The following ANO10 variants were observed in gnomAD, a reference collection of about 807,000 sequenced individuals.
The protein encoded by ANO10 is anoctamin-10.
Under a neutral mutation model 74.7 loss-of-function variants are expected in ANO10, and 77 were observed. That is an observed-to-expected ratio of 1.03 (90% CI 0.86 to 1.25). The LOEUF is 1.25. Among genes scored for constraint, ANO10 ranks in the 50% most tolerant of loss-of-function variants. ANO10 has a pLI of 0.00. For missense variants in ANO10, 721 were observed against 778.1 expected (o/e 0.93, Z 0.87); for synonymous variants, 279 against 284.9 (o/e 0.98, Z 0.21).
chr3:43,494,492 A>G (rs2149127692), intron 11 of ANO10, among the ~76,000 whole-genome samples: 1 of 152,282 alleles, frequency 6.6e-6, no homozygotes, highest in African/African-American at 2.4e-5. Flanking sequence ...AATAAATAGT[A>G]TGAGTATTAG....
intron 1 of ANO10, among the ~76,000 whole-genome samples, chr3:43,643,944 A>C (rs928158390): frequency 1.8e-4 from 28 of 152,078 alleles, no homozygotes; most frequent in African/African-American, 6.3e-4. Flanking sequence ...TTGATCTCCC[A>C]AAGTGCTGGG....
At chr3:43,466,525 T>C (rs1320668536) in intron 11 of ANO10, among the ~76,000 whole-genome samples, 2 of 151,616 alleles carry the variant, frequency 1.3e-5, no homozygotes, top group African/African-American at 4.8e-5. Flanking sequence ...GAAAAAAGGG[T>C]CTTTTAAACA....
chr3:43,366,723 T>A lies in ANO10; in HGVS notation c.*183A>T, dbSNP rs896056845. On this transcript the variant is annotated 3_prime_UTR_variant, in exon 13 of 13. Transcript: ENST00000292246. ...GTGGGGCTGGGGGAACTGCCAAGGATCCCGAGCCAAGCCACTGCGAAACTG... is the reference window on the plus strand; with the variant it reads ...GTGGGGCTGGGGGAACTGCCAAGGAACCCGAGCCAAGCCACTGCGAAACTG... 3.5e-5 allele frequency: 23 copies of A among 666,220 alleles called. 1 individual carries two copies. In the South Asian group the frequency reaches 3.9e-4, roughly 11 times the overall value. The allele number at this position is 666,220 out of a possible 1,614,324, so 41.3% of individuals were successfully genotyped here. A position where few individuals can be genotyped will look rare whatever the true frequency, so the allele number is the denominator to read the frequency against.
At chr3:43,409,781 C>A (rs2148889388) in intron 12 of ANO10, among the ~76,000 whole-genome samples, 1 of 152,296 alleles carries the variant, frequency 6.6e-6, no homozygotes, top group South Asian at 2.1e-4. Context: ...GACTAAACTG[C>A]AATCAACCCA....
At chr3:43,404,481 C>T (rs2092539864) in intron 12 of ANO10, among the ~76,000 whole-genome samples, 1 of 152,108 alleles carries the variant, frequency 6.6e-6, no homozygotes, top group Non-Finnish European at 1.5e-5. Flanking sequence ...GAGCAGGGGA[C>T]CCAGTTAAGC....
At chr3:43,632,085 AAAAG>A (rs1387507914) in intron 1 of ANO10, among the ~76,000 whole-genome samples, 120 of 152,290 alleles carry the variant, frequency 7.9e-4, no homozygotes, top group Admixed American at 2.0e-3. Context: ...AAAAAAAAAA[AAAAG>A]AAAGTAAGTT....
At chr3:43,510,186 C>G (rs2077455566) in intron 11 of ANO10, among the ~76,000 whole-genome samples, 1 of 152,096 alleles carries the variant, frequency 6.6e-6, no homozygotes, top group South Asian at 2.1e-4. Flanking sequence ...GTAATCCTAG[C>G]ACTGTCGGAG....
intron 1 of ANO10, among the ~76,000 whole-genome samples, chr3:43,668,734 TGTAA>T (rs1353767779): frequency 6.6e-6 from 1 of 152,156 alleles, no homozygotes; most frequent in East Asian, 1.9e-4. Flanking sequence ...ATCAGTTGGC[TGTAA>T]GTATTTGTCC....
At chr3:43,597,441 G>A (rs1310347412) in intron 4 of ANO10, among the ~76,000 whole-genome samples, 2 of 152,262 alleles carry the variant, frequency 1.3e-5, no homozygotes, top group African/African-American at 4.8e-5. Flanking sequence ...CATAAAAAAT[G>A]ATGAGTTCAT....
chr3:43,655,159 G>A (rs1361600352), intron 1 of ANO10, among the ~76,000 whole-genome samples: 1 of 152,188 alleles, frequency 6.6e-6, no homozygotes, highest in East Asian at 1.9e-4. Context: ...AAAAGCAAGG[G>A]CCTTTCACTC....
rs146597504 is a variant in ANO10, at chr3:43,375,849, A to G, written c.1915-8875T>C. ...CTCCTTGGGGGATGAATTTAATGCC[A>G]TATAATATTTTTTGTTTGTTCATTT... On this transcript the variant is annotated intron_variant, in intron 12 of 12. Coordinates refer to ENST00000292246, the MANE Select transcript of ANO10 (RefSeq NM_018075.5). 3.9e-3 allele frequency among the ~76,000 whole-genome samples: 587 copies of G among 152,348 alleles called. 3 individuals are homozygous for G. The highest frequency in any genetic ancestry group is 0.013 in the African/African-American group (520 of 41,574).
At chr3:43,516,559 T>C (rs1175694889) in intron 11 of ANO10, among the ~76,000 whole-genome samples, 3 of 152,174 alleles carry the variant, frequency 2.0e-5, no homozygotes, top group Non-Finnish European at 4.4e-5. Context: ...TTTTTCAGCT[T>C]GCAAGGGATA....
intron 12 of ANO10, among the ~76,000 whole-genome samples, chr3:43,387,935 G>A (rs2092170284): frequency 6.9e-6 from 1 of 144,656 alleles, no homozygotes; most frequent in South Asian, 2.2e-4. Context: ...AAGGCGACAT[G>A]TCTGTGTTTT....
chr3:43,652,875 C>A (rs2083804199), intron 1 of ANO10: 1 of 151,712 alleles, frequency 6.6e-6, no homozygotes, highest in African/African-American at 2.4e-5. Flanking sequence ...TTAATAACAT[C>A]ATTAATATAG....
At chr3:43,659,821 C>T (rs1004860562) in intron 1 of ANO10, among the ~76,000 whole-genome samples, 26 of 152,172 alleles carry the variant, frequency 1.7e-4, no homozygotes, top group African/African-American at 5.8e-4. Flanking sequence ...AGATGCCTCC[C>T]AGTAGGGGCC....
rs1313043732 is a variant in ANO10 at position 43,367,404 on chromosome 3, C to T, written c.1915-430G>A. ...CAAATCTGCAGTGAGAGCAATAGTG[C>T]CTATTTTGCAGGGTGGCTGCAAGTA... On this transcript the variant is annotated intron_variant, in intron 12 of 12. Transcript: ENST00000292246. Among the ~76,000 whole-genome samples, 8 of 152,136 alleles carry T rather than the reference C, an allele frequency of 5.3e-5. No individual in the cohort carries two copies. The South Asian group carries it at 1.7e-3, about 32-fold the overall frequency.
chr3:43,585,457 T>TA (rs1411955872), intron 4 of ANO10, among the ~76,000 whole-genome samples: 1 of 152,244 alleles, frequency 6.6e-6, no homozygotes, highest in Non-Finnish European at 1.5e-5. Context: ...CCTACACAGT[T>TA]AGAGAAATCC....
chr3:43,445,270 T>C (rs2093228204), intron 11 of ANO10, among the ~76,000 whole-genome samples: 1 of 151,882 alleles, frequency 6.6e-6, no homozygotes, highest in Non-Finnish European at 1.5e-5. Context: ...TCTTATCAGA[T>C]AAAAACTAAG....
rs35735692 is a variant in ANO10, at chr3:43,528,207, GA to G, written c.1797+21512del. Among the ~76,000 whole-genome samples the G allele has an allele frequency of 3.7e-4, 54 of 146,598 alleles. No homozygotes were observed. The Middle Eastern group carries it at 0.018, about 48-fold the overall frequency. On this transcript the variant is annotated intron_variant, in intron 11 of 12. Coordinates refer to ENST00000292246, the MANE Select transcript of ANO10 (RefSeq NM_018075.5). ...AGGAAAATTTCAAAATGAAAAAAAC[GA>G]AAAAAAAAAGCAGATAACATCTGTA...
Sources: allele counts gnomAD v4.1 joint callset (sites outside exome capture counted in the v4.1 genomes callset), GRCh38; gene constraint gnomAD v4.1.1; transcripts MANE v1.5; gene names NCBI Gene and HGNC (gene_info 2026-07-23, HGNC 2026-07-21).